Variants in SCUBE1 observed in about 807,000 individuals in gnomAD.
The protein encoded by SCUBE1 is signal peptide, CUB domain and EGF like domain containing 1.
Under a neutral mutation model 124.4 loss-of-function variants are expected in SCUBE1, and 59 were observed. The ratio of observed to expected loss-of-function variants is 0.47; its 90% CI spans 0.38 to 0.59. SCUBE1 has a LOEUF of 0.59. SCUBE1 is among the 20% of genes least tolerant of loss of function. The probability of loss-of-function intolerance (pLI) is 0.00; values close to 1 mark genes in which losing one functional copy is unlikely to be tolerated. For missense variants in SCUBE1, 1,150 were observed against 1,371.2 expected (o/e 0.84, Z 2.55); for synonymous variants, 545 against 550.9 (o/e 0.99, Z 0.15).
rs1488550269 is a variant in SCUBE1, at chr22:43,234,800, T to C, written c.845-2925A>G. Among the ~76,000 whole-genome samples, 3 of 152,142 alleles carry C rather than the reference T, an allele frequency of 2.0e-5. No individual in the cohort carries two copies. The highest frequency in any genetic ancestry group is 1.9e-4 in the East Asian group (1 of 5,188). ...TCTGAGGCTCCTGAGTCTGCTAGGA[T>C]GTGGGCCCTCCCTCTGCAGAGGCTC... On this transcript the variant is annotated intron_variant, in intron 7 of 21. Transcript: ENST00000360835. This position sits in a 1 kb window ranked among gnomAD's most constrained non-coding sequence, Gnocchi z 4.4.
At chr22:43,285,283 C>T (rs758265458) in intron 4 of SCUBE1, among the ~76,000 whole-genome samples, 4 of 152,172 alleles carry the variant, frequency 2.6e-5, no homozygotes, top group South Asian at 2.1e-4. Flanking sequence ...AGTGCTGTCC[C>T]GACGCTCCTC....
In SCUBE1 at chr22:43,258,972, C is replaced by T. The variant is rs757684466; in HGVS notation, c.611-637G>A. 2.6e-5 allele frequency among the ~76,000 whole-genome samples: 4 copies of T among 152,230 alleles called. No homozygotes were observed. The highest frequency in any genetic ancestry group is 5.9e-5 in the Non-Finnish European group (4 of 68,036). On this transcript the variant is annotated intron_variant, in intron 5 of 21. Transcript: ENST00000360835. This position sits in a 1 kb window ranked among gnomAD's most constrained non-coding sequence, Gnocchi z 5.0. ...TCATCTGAGGTACGGTTTTGAAAAT[C>T]ACCTAAATAATAACCACGTTACATT...
At chr22:43,231,953 G>T (rs1922571765) in intron 7 of SCUBE1, 78 bp from the exon 8 acceptor site, 2 of 1,567,174 alleles carry the variant, frequency 1.3e-6, no homozygotes, top group African/African-American at 2.7e-5. Context: ...CGGCAGGCTA[G>T]CGGCAGGGGA....
At chr22:43,326,958 A>G (rs1926746455) in intron 2 of SCUBE1, among the ~76,000 whole-genome samples, 1 of 152,148 alleles carries the variant, frequency 6.6e-6, no homozygotes, top group Admixed American at 6.5e-5. Flanking sequence ...AGGTACTAGC[A>G]TTATTCTTGC....
intron 3 of SCUBE1, among the ~76,000 whole-genome samples, chr22:43,296,297 G>A (rs1925557163): frequency 6.6e-6 from 1 of 152,232 alleles, no homozygotes; most frequent in African/African-American, 2.4e-5. Context: ...TGAGGCCTTG[G>A]GCCAGGGCTG....
chr22:43,339,810 T>A (rs191220075), intron 1 of SCUBE1, among the ~76,000 whole-genome samples: 1 of 46,080 alleles, frequency 2.2e-5, no homozygotes, highest in African/African-American at 9.0e-5. Flanking sequence ...CCTCCCCCAC[T>A]CTCCTCATTC....
intron 3 of SCUBE1, among the ~76,000 whole-genome samples, chr22:43,298,701 G>C (rs1321450146): frequency 6.6e-6 from 1 of 151,826 alleles, no homozygotes; most frequent in African/African-American, 2.4e-5. Context: ...GCTGCCCTGT[G>C]ACCACTGCCC....
chr22:43,291,933 C>G (rs1335477245), intron 3 of SCUBE1, among the ~76,000 whole-genome samples: 1 of 152,106 alleles, frequency 6.6e-6, no homozygotes. Flanking sequence ...GTGGCAGAGG[C>G]AGGATTCAAA....
At chr22:43,310,765 C>A (rs1012921879) in intron 3 of SCUBE1, among the ~76,000 whole-genome samples, 1 of 152,148 alleles carries the variant, frequency 6.6e-6, no homozygotes, top group African/African-American at 2.4e-5. Flanking sequence ...TTTTTCAATA[C>A]ACATTTTTTA....
intron 2 of SCUBE1, among the ~76,000 whole-genome samples, chr22:43,338,868 C>A (rs566936975): frequency 5.3e-5 from 8 of 152,294 alleles, no homozygotes; most frequent in African/African-American, 1.9e-4. Flanking sequence ...AAGTTTCAAG[C>A]CCAGTTGAGA....
chr22:43,298,120 T>C (rs780247827), intron 3 of SCUBE1, among the ~76,000 whole-genome samples: 2 of 152,216 alleles, frequency 1.3e-5, no homozygotes, highest in Non-Finnish European at 2.9e-5. Flanking sequence ...TCTTGCAAAA[T>C]TGCATTTGAT....
At chr22:43,206,007 CTATA>C (rs1316461331) in intron 21 of SCUBE1, among the ~76,000 whole-genome samples, 2 of 131,524 alleles carry the variant, frequency 1.5e-5, no homozygotes, top group East Asian at 5.0e-4. Context: ...ATCACACACC[CTATA>C]TACATACCAC....
chr22:43,208,731 C>T (rs550463314), intron 19 of SCUBE1, among the ~76,000 whole-genome samples: 10 of 152,214 alleles, frequency 6.6e-5, no homozygotes, highest in Non-Finnish European at 1.3e-4. Context: ...CCCACTGAGC[C>T]CTGATCTCCC....
Position 43,231,990 on chromosome 22 carries a change from C to G in SCUBE1, c.845-115G>C, listed in dbSNP as rs1027887753. ...GACACTGCCCTGAGTTGCCTGGTGC[C>G]CACTTCCCAAGCTGGCTGCTGGCTC... On this transcript the variant is annotated intron_variant, in intron 7 of 21. Transcript: ENST00000360835. The G allele has an allele frequency of 3.1e-6, 4 of 1,307,244 alleles. No individual in the cohort carries two copies. The African/African-American group carries it at 5.8e-5, about 19-fold the overall frequency. 81.0% of individuals were successfully genotyped at this position (1,307,244 alleles called of 1,614,324 possible).
intron 6 of SCUBE1, among the ~76,000 whole-genome samples, chr22:43,240,510 C>T (rs1922961662): frequency 1.3e-5 from 2 of 152,230 alleles, no homozygotes; most frequent in East Asian, 3.9e-4. Flanking sequence ...ACTTGGCCGG[C>T]TTATGCCCTC....
At chr22:43,244,177 G>A (rs900707506) in intron 6 of SCUBE1, among the ~76,000 whole-genome samples, 1 of 151,988 alleles carries the variant, frequency 6.6e-6, no homozygotes, top group South Asian at 2.1e-4. Flanking sequence ...CCCATGCCCC[G>A]CCACACCCCA....
chr22:43,218,415 G>A lies in SCUBE1; in HGVS notation c.1731C>T (p.Ser577=). The A allele has an allele frequency of 6.2e-7, 1 of 1,613,062 alleles. No homozygotes were observed. Among genetic ancestry groups the A allele is most frequent in the Non-Finnish European group, 8.5e-7 (1 of 1,180,040 alleles). The change falls in exon 15 of 22, where the codon AGC becomes AGT. Residue 577 remains serine (S), a synonymous_variant. Coordinates refer to ENST00000360835, the MANE Select transcript of SCUBE1 (RefSeq NM_173050.5). ...ADCLRKRAEQ[S]LQAAIKTLRK... is the part of the protein sequence containing the mutation. ...GCAGGGTCTTGATGGCGGCCTGCAG[G>A]CTCTGTTCTGCTCGCTTCCGCAAGC...
At position 43,198,518 on chromosome 22, in the gene SCUBE1, G is replaced by C. The variant is rs1413687480; in HGVS notation, c.*5479C>G. On this transcript the variant is annotated 3_prime_UTR_variant, in exon 22 of 22. Transcript: ENST00000360835. ...TGTGGGTGCTGTGGGGGCAGAGGCAGCCGCGGTAGAATAGGAGGCGCTCTC... is the reference window on the plus strand; with the variant it reads ...TGTGGGTGCTGTGGGGGCAGAGGCACCCGCGGTAGAATAGGAGGCGCTCTC... The C allele has an allele frequency of 2.2e-6, 1 of 456,334 alleles. No homozygotes were observed. The highest frequency in any genetic ancestry group is 1.5e-5 in the South Asian group (1 of 64,544). The allele number at this position is 456,334 out of a possible 1,614,324, so 28.3% of individuals were successfully genotyped here. A position where few individuals can be genotyped will look rare whatever the true frequency, so the allele number is the denominator to read the frequency against.
Position 43,211,444 on chromosome 22 carries a change from C to T in SCUBE1, c.2222-361G>A, listed in dbSNP as rs9623780. Among the ~76,000 whole-genome samples, 11,452 of 151,484 alleles carry T rather than the reference C, an allele frequency of 0.076. 791 individuals are homozygous for T. The highest frequency in any genetic ancestry group is 0.18 in the African/African-American group (7,237 of 41,222). ...CCAGCTAGGCCAAACCCTCTTTCTA[C>T]AAGGTTGCTGGGGCAGGAGAGACAG... On this transcript the variant is annotated intron_variant, in intron 17 of 21. Coordinates refer to ENST00000360835, the MANE Select transcript of SCUBE1 (RefSeq NM_173050.5). The surrounding 1 kb of genome is among the most constrained non-coding windows in gnomAD (Gnocchi z 4.5).
Sources: gnomAD v4.1 joint callset for allele counts (sites outside exome capture counted in the v4.1 genomes callset) on GRCh38, gnomAD v4.1.1 for gene constraint, Gnocchi (gnomAD v3.1) non-coding constraint, MANE v1.5 for transcripts, NCBI Gene and HGNC (gene_info 2026-07-23, HGNC 2026-07-21) for gene names.